Variants in IL2RB observed in about 807,000 individuals in gnomAD.
The protein encoded by IL2RB is interleukin-2 receptor subunit beta.
IL2RB carries 17 observed loss-of-function variants against 44.2 expected under a neutral mutation model. The observed-to-expected ratio is 0.38, with a 90% CI of 0.26 to 0.58. IL2RB has a LOEUF of 0.58. Ranked by LOEUF, IL2RB falls within the 20% of genes least tolerant of loss-of-function variation. The pLI is 0.63. For missense variants in IL2RB, 624 were observed against 685.5 expected, an observed-to-expected ratio of 0.91 and a Z score of 1.00; for synonymous variants, 286 against 297.9, an observed-to-expected ratio of 0.96 and a Z score of 0.41.
chr22:37,173,397 A>G (rs924168431), intron 1 of IL2RB, among the ~76,000 whole-genome samples: 1 of 152,202 alleles, frequency 6.6e-6, no homozygotes, highest in Non-Finnish European at 1.5e-5. Context: ...GGCCAAGCCT[A>G]TAGAATAGGA....
At chr22:37,151,217 C>T (rs1922474465), upstream of IL2RB, among the ~76,000 whole-genome samples, 1 of 152,194 alleles carries the variant, frequency 6.6e-6, no homozygotes, top group Admixed American at 6.5e-5. Flanking sequence ...TCCCTTTTCT[C>T]CCCACCCTCA....
chr22:37,173,418 A>G (rs1923353161), intron 1 of IL2RB, among the ~76,000 whole-genome samples: 1 of 152,188 alleles, frequency 6.6e-6, no homozygotes, highest in South Asian at 2.1e-4. Context: ...ATCAATCCAT[A>G]ATTATTGATT....
chr22:37,128,273 C>T lies in IL2RB; in HGVS notation c.1479G>A (p.Leu493=), dbSNP rs1426443658. 6.7e-7 allele frequency: 1 copy of T among 1,499,040 alleles called. No individual in the cohort carries two copies. Among genetic ancestry groups the T allele is most frequent in the Non-Finnish European group, 8.9e-7 (1 of 1,125,060 alleles). The allele number at this position is 1,499,040 out of a possible 1,614,324, so 92.9% of individuals were successfully genotyped here. A position where few individuals can be genotyped will look rare whatever the true frequency, so the allele number is the denominator to read the frequency against. Residue 493 remains leucine (L), a synonymous_variant, in exon 10 of 10, where the codon CTG becomes CTA. Transcript: ENST00000216223. This position sits in a 1 kb window ranked among gnomAD's most constrained non-coding sequence, Gnocchi z 4.5. ...VDFQPPPELV[L]REAGEEVPDA... is the part of the protein sequence containing the mutation. Reference sequence around the variant, plus strand: ...CAGGGACCTCCTCCCCAGCCTCTCGCAGCACCAGCTCAGGGGGTGGCTGAA... The same window carrying T: ...CAGGGACCTCCTCCCCAGCCTCTCGTAGCACCAGCTCAGGGGGTGGCTGAA...
At position 37,147,183 on chromosome 22, in the gene IL2RB, A is replaced by G. The variant is rs117302814; in HGVS notation, c.-34+2642T>C. Among the ~76,000 whole-genome samples, 8 of 152,320 alleles carry G rather than the reference A, an allele frequency of 5.3e-5. No individual in the cohort carries two copies. In the East Asian group the frequency reaches 1.2e-3, roughly 22 times the overall value. ...GGTTACTGTAAGCCAGGCTCCATTTAAAACTCTTTAAATGCAGCAATCAGG... is the reference window on the plus strand; with the variant it reads ...GGTTACTGTAAGCCAGGCTCCATTTGAAACTCTTTAAATGCAGCAATCAGG... On this transcript the variant is annotated intron_variant, in intron 1 of 9. Transcript: ENST00000216223.
At chr22:37,161,763 C>CT (rs1206019533) in intron 1 of IL2RB, 3 of 152,156 alleles carry the variant, frequency 2.0e-5, no homozygotes, top group Non-Finnish European at 4.4e-5. Flanking sequence ...AGACCACAGG[C>CT]TGGGAATATG....
At chr22:37,138,989 G>A (rs763433281) in intron 5 of IL2RB, 128 bp downstream of exon 5, 111 of 646,888 alleles carry the variant, frequency 1.7e-4, no homozygotes, top group Non-Finnish European at 2.8e-4. Flanking sequence ...AACAGCGGGC[G>A]GTGAGGTGAT....
intron 9 of IL2RB, among the ~76,000 whole-genome samples, chr22:37,131,416 C>T (rs1353716007): frequency 6.6e-6 from 1 of 152,126 alleles, no homozygotes; most frequent in Non-Finnish European, 1.5e-5. Context: ...GTAAAAAGTA[C>T]CCCCCATGTC....
intron 1 of IL2RB, among the ~76,000 whole-genome samples, chr22:37,158,734 G>C (rs1922762915): frequency 6.6e-6 from 1 of 152,226 alleles, no homozygotes; most frequent in Non-Finnish European, 1.5e-5. Context: ...CTGTGAAGGT[G>C]CGTGGGAGCA....
At position 37,128,644 on chromosome 22, in the gene IL2RB, G is replaced by A. The variant is rs760230452; in HGVS notation, c.1108C>T (p.Pro370Ser). Reference protein sequence around the residue: ...TNQGYFFFHLPDALEIEACQV... With the variant: ...TNQGYFFFHLSDALEIEACQV... ...CAGGCCTCTATCTCCAAGGCATCCG[G>A]GAGGTGGAAGAAGAAGTAACCCTGG... Residue 370 changes from proline to serine, a missense_variant, in exon 10 of 10, where the codon CCG (proline) becomes TCG (serine). Pro to Ser is a moderately conservative substitution (Grantham distance 74, BLOSUM62 -1). Transcript: ENST00000216223. The surrounding 1 kb of genome is among the most constrained non-coding windows in gnomAD (Gnocchi z 4.5). 6.2e-7 allele frequency: 1 copy of A among 1,614,158 alleles called. No homozygotes were observed.
rs567604114 is a variant in IL2RB, at chr22:37,127,891, G to C, written c.*205C>G. 4.9e-6 allele frequency: 2 copies of C among 411,478 alleles called. No homozygotes were observed. The highest frequency in any genetic ancestry group is 4.3e-5 in the Admixed American group (1 of 23,144). The allele number at this position is 411,478 out of a possible 1,614,324, so 25.5% of individuals were successfully genotyped here. Reference sequence around the variant, plus strand: ...CTGCAACACACACAGTTCCTGGCTCGGGCAGCAGGACCCGGGAGCAGCAGT... The same window carrying C: ...CTGCAACACACACAGTTCCTGGCTCCGGCAGCAGGACCCGGGAGCAGCAGT... On this transcript the variant is annotated 3_prime_UTR_variant, in exon 10 of 10. Transcript: ENST00000216223.
At chr22:37,139,008 G>T in intron 5 of IL2RB, 109 bp downstream of exon 5, 2 of 712,712 alleles carry the variant, frequency 2.8e-6, no homozygotes, top group Non-Finnish European at 2.5e-6. Flanking sequence ...ATCAGATGTG[G>T]GTGTGGAAGC....
At position 37,132,397 on chromosome 22, in the gene IL2RB, C is replaced by G. The variant is rs765304134; in HGVS notation, c.890G>C (p.Gly297Ala). Residue 297 changes from glycine (G) to alanine (A), a missense_variant, in exon 9 of 10, where the codon GGA (glycine) becomes GCA (alanine). Gly to Ala is a moderately conservative substitution (Grantham distance 60). This residue lies in a region of IL2RB where 255 missense variants were observed against 339.9 expected (regional missense o/e 0.75). Coordinates refer to ENST00000216223, the MANE Select transcript of IL2RB (RefSeq NM_000878.5). ...KFFSQLSSEH[G>A]GDVQKWLSSP... Reference sequence around the variant, plus strand: ...CCGGCCTCCTACCTGGACGTCTCCTCCATGCTCTGAGCTCAGCTGGGAAAA... The same window carrying G: ...CCGGCCTCCTACCTGGACGTCTCCTGCATGCTCTGAGCTCAGCTGGGAAAA... The G allele has an allele frequency of 4.3e-6, 7 of 1,613,938 alleles. No individual in the cohort carries two copies. In the South Asian group the frequency reaches 7.7e-5, roughly 18 times the overall value.
At chr22:37,166,503 C>A (rs1205608797) in intron 1 of IL2RB, among the ~76,000 whole-genome samples, 1 of 152,210 alleles carries the variant, frequency 6.6e-6, no homozygotes, top group Non-Finnish European at 1.5e-5. Context: ...GACGCCTAGG[C>A]CTTGGGAGGG....
At chr22:37,156,547 A>C (rs938267236) in intron 1 of IL2RB, among the ~76,000 whole-genome samples, 3 of 152,272 alleles carry the variant, frequency 2.0e-5, no homozygotes, top group South Asian at 2.1e-4. Flanking sequence ...AGAGCTATTC[A>C]AGCTCCACCC....
chr22:37,137,833 C>T (rs1353719321), intron 5 of IL2RB, 98 bp from the exon 6 acceptor site: 2 of 1,090,250 alleles, frequency 1.8e-6, no homozygotes, highest in Non-Finnish European at 2.7e-6. Context: ...CTACCACCTC[C>T]CCTACCCCCC....
intron 1 of IL2RB, among the ~76,000 whole-genome samples, chr22:37,146,522 C>T (rs977725240): frequency 6.6e-6 from 1 of 152,238 alleles, no homozygotes; most frequent in Non-Finnish European, 1.5e-5. Context: ...CTTCCCAAGT[C>T]TATCCTTTCC....
At chr22:37,155,481 C>T (rs1417512491) in intron 1 of IL2RB, among the ~76,000 whole-genome samples, 1 of 152,240 alleles carries the variant, frequency 6.6e-6, no homozygotes, top group East Asian at 1.9e-4. Context: ...TCATCTCTGA[C>T]CCTGCCTCCT....
At chr22:37,163,136 C>G (rs1421557865) in intron 1 of IL2RB, among the ~76,000 whole-genome samples, 3 of 152,134 alleles carry the variant, frequency 2.0e-5, no homozygotes, top group Admixed American at 2.0e-4. Flanking sequence ...TAACCTGAGC[C>G]AAACAGAACT....
At chr22:37,150,693 G>C (rs1196447929), upstream of IL2RB, among the ~76,000 whole-genome samples, 1 of 151,824 alleles carries the variant, frequency 6.6e-6, no homozygotes, top group Admixed American at 6.6e-5. Flanking sequence ...ATCTAATTCT[G>C]TTTTCGTACC....
Sources: gnomAD v4.1 joint callset for allele counts (sites outside exome capture counted in the v4.1 genomes callset) on GRCh38, gnomAD v4.1.1 for gene constraint, gnomAD v4.1.1 regional missense constraint, Gnocchi (gnomAD v3.1) non-coding constraint, MANE v1.5 for transcripts, NCBI Gene and HGNC (gene_info 2026-07-23, HGNC 2026-07-21) for gene names.